Variants in MCCC2 observed in about 807,000 individuals in gnomAD.
MCCC2 encodes the protein methylcrotonoyl-CoA carboxylase beta chain, mitochondrial.
MCCC2 carries 52 observed loss-of-function variants against 77.2 expected under a neutral mutation model. The ratio of observed to expected loss-of-function variants is 0.67; its 90% CI spans 0.54 to 0.85. MCCC2 has a LOEUF of 0.85. Ranked by LOEUF, MCCC2 falls within the 40% of genes least tolerant of loss-of-function variation. The pLI, the probability that MCCC2 is intolerant of heterozygous loss-of-function variation, is 0.00. For missense variants in MCCC2, 682 were observed against 703.2 expected (o/e 0.97, Z 0.34); for synonymous variants, 253 against 248.4 (o/e 1.02, Z -0.18).
intron 6 of MCCC2, among the ~76,000 whole-genome samples, chr5:71,608,901 G>A (rs1176760859): frequency 6.6e-6 from 1 of 152,170 alleles, no homozygotes; most frequent in African/African-American, 2.4e-5. Flanking sequence ...TTGGCCCCTA[G>A]TCTCTTCTGG....
intron 6 of MCCC2, 49 bp downstream of exon 6, chr5:71,604,517 A>G (rs1226082778): frequency 7.4e-7 from 1 of 1,351,498 alleles, no homozygotes; most frequent in Non-Finnish European, 1.1e-6. Context: ...ACTCTTAAGT[A>G]TCTTTACGAA....
chr5:71,631,786 C>T (rs967535981), intron 7 of MCCC2, among the ~76,000 whole-genome samples: 16 of 151,862 alleles, frequency 1.1e-4, no homozygotes, highest in South Asian at 6.2e-4. Context: ...ATGATCCACC[C>T]GCCTCGGCCT....
intron 12 of MCCC2, among the ~76,000 whole-genome samples, chr5:71,645,267 G>A (rs16869487): frequency 0.095 from 14,410 of 152,098 alleles, 1,079 homozygotes; most frequent in African/African-American, 0.2. Context: ...TCTTGTAAAC[G>A]TAGTCATATT....
At chr5:71,611,988 C>T (rs1745969360) in intron 6 of MCCC2, among the ~76,000 whole-genome samples, 1 of 152,050 alleles carries the variant, frequency 6.6e-6, no homozygotes. Flanking sequence ...CAGGGTTTCA[C>T]CACATTAGCC....
At chr5:71,610,933 C>A (rs928433466) in intron 6 of MCCC2, among the ~76,000 whole-genome samples, 1 of 152,194 alleles carries the variant, frequency 6.6e-6, no homozygotes, top group African/African-American at 2.4e-5. Flanking sequence ...TTGCAGTGAG[C>A]TGAGATCATG....
intron 8 of MCCC2, among the ~76,000 whole-genome samples, chr5:71,633,131 A>ATTTT (rs1306338509): frequency 1.7e-4 from 13 of 78,068 alleles, no homozygotes; most frequent in African/African-American, 6.6e-4. Context: ...ATATATATAT[A>ATTTT]TTTTTATTTT....
At position 71,604,165 on chromosome 5, in the gene MCCC2, T is replaced by A. The variant is rs114416485; in HGVS notation, c.512-191T>A. Among the ~76,000 whole-genome samples the A allele has an allele frequency of 9.4e-3, 1,437 of 152,230 alleles. 27 individuals carry two copies. The highest frequency in any genetic ancestry group is 0.033 in the African/African-American group (1,353 of 41,544). Reference sequence around the variant, plus strand: ...TTTGCACAGAGGTGGGAAAGCCTGATGGGTTTGGGGCAATGAATCCTTTTG... The same window carrying A: ...TTTGCACAGAGGTGGGAAAGCCTGAAGGGTTTGGGGCAATGAATCCTTTTG... On this transcript the variant is annotated intron_variant, in intron 5 of 16. Coordinates refer to ENST00000340941, the MANE Select transcript of MCCC2 (RefSeq NM_022132.5).
At chr5:71,650,928 C>G (rs1747421500) in intron 15 of MCCC2, among the ~76,000 whole-genome samples, 1 of 152,136 alleles carries the variant, frequency 6.6e-6, no homozygotes, top group Non-Finnish European at 1.5e-5. Context: ...GGATTATAGG[C>G]TTGAGCCACC....
intron 14 of MCCC2, 47 bp downstream of exon 14, chr5:71,649,300 T>C (rs1255693501): frequency 6.5e-7 from 1 of 1,543,788 alleles, no homozygotes; most frequent in African/African-American, 1.4e-5. Flanking sequence ...GCTTCAAGTA[T>C]AAAATACATG....
intron 8 of MCCC2, among the ~76,000 whole-genome samples, chr5:71,634,163 T>G (rs758501759): frequency 1.3e-5 from 2 of 152,254 alleles, no homozygotes; most frequent in Non-Finnish European, 2.9e-5. Flanking sequence ...TGACTGACTT[T>G]ACAGAGTTTT....
At chr5:71,652,625 G>T in intron 15 of MCCC2, 44 bp from the exon 16 acceptor site, 1 of 1,468,206 alleles carries the variant, frequency 6.8e-7, no homozygotes, top group South Asian at 1.1e-5. Context: ...AACAGGGCCA[G>T]TTGTTCACTG....
At chr5:71,632,265 T>G (rs1227490942) in intron 8 of MCCC2, 80 bp downstream of exon 8, 1 of 1,387,878 alleles carries the variant, frequency 7.2e-7, no homozygotes, top group Admixed American at 1.7e-5. Flanking sequence ...ACGTATTTGT[T>G]TCCAGTGCTA....
intron 7 of MCCC2, 69 bp downstream of exon 7, chr5:71,626,822 T>C: frequency 1.5e-6 from 2 of 1,341,764 alleles, no homozygotes; most frequent in South Asian, 1.2e-5. Flanking sequence ...ATTTAAACTA[T>C]TTTTTGATGT....
chr5:71,626,680 A>T lies in MCCC2; in HGVS notation c.665A>T (p.Tyr222Phe). 1 of 1,614,138 alleles carries T rather than the reference A, an allele frequency of 6.2e-7. No individual in the cohort carries two copies. Among genetic ancestry groups the T allele is most frequent in the Non-Finnish European group, 8.5e-7 (1 of 1,180,006 alleles). Residue 222 changes from tyrosine to phenylalanine, a missense_variant, in exon 7 of 17, where the codon TAT becomes TTT. Coordinates refer to ENST00000340941, the MANE Select transcript of MCCC2 (RefSeq NM_022132.5). ...GGCTCCTGCACCGCAGGAGGAGCCT[A>T]TGTGCCTGCCATGGCTGATGAAAAC... is the stretch of plus-strand genomic sequence containing the variant. ...VMGSCTAGGA[Y>F]VPAMADENII...
At chr5:71,602,852 T>A (rs959607657) in intron 5 of MCCC2, 4 of 615,980 alleles carry the variant, frequency 6.5e-6, no homozygotes, top group Non-Finnish European at 1.1e-5. Flanking sequence ...TTTTGACGCA[T>A]GCCAGTTTTT....
intron 5 of MCCC2, among the ~76,000 whole-genome samples, chr5:71,603,305 A>G (rs1054521358): frequency 6.6e-6 from 1 of 151,170 alleles, no homozygotes; most frequent in East Asian, 2.0e-4. Context: ...AGTCCCAGCT[A>G]CTTGGGAGGC....
At chr5:71,631,079 G>A (rs1746690586) in intron 7 of MCCC2, among the ~76,000 whole-genome samples, 1 of 152,060 alleles carries the variant, frequency 6.6e-6, no homozygotes, top group Non-Finnish European at 1.5e-5. Flanking sequence ...CTTAGGTTTA[G>A]GTAATCTTGG....
chr5:71,597,960 C>A (rs1745254268), intron 3 of MCCC2, among the ~76,000 whole-genome samples: 1 of 152,162 alleles, frequency 6.6e-6, no homozygotes, highest in African/African-American at 2.4e-5. Context: ...ACTGTGTAAC[C>A]TTAGACAAGT....
At chr5:71,609,225 C>T (rs1179964444) in intron 6 of MCCC2, among the ~76,000 whole-genome samples, 2 of 150,466 alleles carry the variant, frequency 1.3e-5, no homozygotes, top group African/African-American at 4.9e-5. Flanking sequence ...TAGATTTGGT[C>T]TTTTCACATA....
Sources: allele counts gnomAD v4.1 joint callset (sites outside exome capture counted in the v4.1 genomes callset), GRCh38; gene constraint gnomAD v4.1.1; transcripts MANE v1.5; gene names NCBI Gene and HGNC (gene_info 2026-07-23, HGNC 2026-07-21).